CEP162: variants seen among roughly 807,000 people sequenced by gnomAD.
CEP162 encodes centrosomal protein of 162 kDa.
Under a neutral mutation model 169.2 loss-of-function variants are expected in CEP162, and 141 were observed. That is an observed-to-expected ratio of 0.83 (90% confidence interval 0.73 to 0.96). The LOEUF is 0.96. Among genes scored for constraint, CEP162 ranks in the 40% least tolerant of loss-of-function variants. CEP162 has a pLI of 0.00. For synonymous variants in CEP162, 540 were observed against 526.4 expected, an observed-to-expected ratio of 1.03 and a Z score of -0.35; for missense variants, 1,600 against 1,587.2, an observed-to-expected ratio of 1.01 and a Z score of -0.14.
chr6:84,185,089 T>TG (rs2099536524), intron 13 of CEP162, 98 bp downstream of exon 13: 1 of 1,141,668 alleles, frequency 8.8e-7, no homozygotes, highest in African/African-American at 1.6e-5. Flanking sequence ...TGTTGCCTCC[T>TG]GCAAATTGAA....
chr6:84,173,533 C>T (rs1295193705), intron 16 of CEP162, among the ~76,000 whole-genome samples: 4 of 152,084 alleles, frequency 2.6e-5, no homozygotes, highest in Non-Finnish European at 5.9e-5. Context: ...GGTGGTAGAG[C>T]TAAGACTCAA....
At chr6:84,215,744 A>G (rs1237922700) in intron 4 of CEP162, 32 bp downstream of exon 4, 5 of 1,551,268 alleles carry the variant, frequency 3.2e-6, no homozygotes, top group Non-Finnish European at 4.4e-6. Context: ...ACAATTAATA[A>G]TTTACCAACT....
intron 22 of CEP162, 70 bp from the exon 23 acceptor site, chr6:84,153,249 C>A (rs2099521827): frequency 2.9e-6 from 4 of 1,357,190 alleles, no homozygotes; most frequent in Non-Finnish European, 3.0e-6. Context: ...GCCCTGCACA[C>A]TACTGGGTCC....
chr6:84,180,393 G>A (rs990594885), intron 13 of CEP162, among the ~76,000 whole-genome samples: 1 of 152,086 alleles, frequency 6.6e-6, no homozygotes, highest in African/African-American at 2.4e-5. Flanking sequence ...ATATCATACT[G>A]AATGGGCAAA....
intron 9 of CEP162, among the ~76,000 whole-genome samples, chr6:84,195,749 T>A (rs1329043178): frequency 6.6e-6 from 1 of 152,208 alleles, no homozygotes; most frequent in African/African-American, 2.4e-5. Flanking sequence ...GGTCTATAGT[T>A]CATTTCAGGG....
At chr6:84,154,107 G>A (rs935644350) in intron 22 of CEP162, among the ~76,000 whole-genome samples, 1 of 152,084 alleles carries the variant, frequency 6.6e-6, no homozygotes, top group Non-Finnish European at 1.5e-5. Flanking sequence ...GAAATGAAAG[G>A]GGGAAGAGAC....
intron 2 of CEP162, among the ~76,000 whole-genome samples, chr6:84,221,408 C>T (rs1025646787): frequency 1.3e-5 from 2 of 152,058 alleles, no homozygotes; most frequent in Non-Finnish European, 2.9e-5. Context: ...AGGAGAATAA[C>T]AACAAAGACG....
At chr6:84,220,328 T>C (rs1411010273) in intron 3 of CEP162, among the ~76,000 whole-genome samples, 1 of 152,180 alleles carries the variant, frequency 6.6e-6, no homozygotes, top group African/African-American at 2.4e-5. Context: ...CAGTATCATG[T>C]ATAGTAAACC....
At chr6:84,190,377 C>G (rs913416936) in intron 11 of CEP162, among the ~76,000 whole-genome samples, 25 of 152,168 alleles carry the variant, frequency 1.6e-4, no homozygotes, top group Non-Finnish European at 5.9e-5. Context: ...AGAATAAAAG[C>G]AGGCTGCCCG....
chr6:84,168,372 T>C (rs2099528662), intron 18 of CEP162, among the ~76,000 whole-genome samples: 1 of 152,208 alleles, frequency 6.6e-6, no homozygotes, highest in Non-Finnish European at 1.5e-5. Context: ...CTGTATTTTA[T>C]ATACTACAAA....
chr6:84,202,250 A>G (rs894047813), intron 7 of CEP162, among the ~76,000 whole-genome samples: 3 of 152,168 alleles, frequency 2.0e-5, no homozygotes, highest in Non-Finnish European at 2.9e-5. Context: ...CCAAACAGCT[A>G]GACAGCTGAA....
intron 6 of CEP162, among the ~76,000 whole-genome samples, chr6:84,212,580 ATAAG>A (rs757503822): frequency 3.9e-4 from 60 of 151,916 alleles, no homozygotes; most frequent in Admixed American, 1.8e-3. Flanking sequence ...ATGGAATACT[ATAAG>A]TAATACAATA....
At chr6:84,223,065 T>C (rs1004525406) in intron 2 of CEP162, among the ~76,000 whole-genome samples, 1 of 152,254 alleles carries the variant, frequency 6.6e-6, no homozygotes, top group African/African-American at 2.4e-5. Context: ...ATGGTACTAC[T>C]GACCTTGTAG....
At chr6:84,169,845 C>T (rs1340761560) in intron 17 of CEP162, among the ~76,000 whole-genome samples, 3 of 152,158 alleles carry the variant, frequency 2.0e-5, no homozygotes, top group African/African-American at 7.2e-5. Context: ...AAACCAAACA[C>T]AGCCTAATAT....
In CEP162 at chr6:84,186,403, A is replaced by G. The variant is rs1452879828; in HGVS notation, c.1330T>C (p.Tyr444His). 6.4e-7 allele frequency: 1 copy of G among 1,566,388 alleles called. No homozygotes were observed. Among genetic ancestry groups the G allele is most frequent in the East Asian group, 2.2e-5 (1 of 44,588 alleles). Residue 444 changes from tyrosine (Y) to histidine (H), a missense_variant, in exon 12 of 27, where the codon TAC becomes CAC. Coordinates refer to ENST00000403245, the MANE Select transcript of CEP162 (RefSeq NM_014895.4). ...ATTTTTTTCCTCAAAATATTAAGGT[A>G]CATTTTATCAACATGTTCTTCTGTG... ...TATEEHVDKMYLNILRKKITV... is the reference protein window; with the variant it reads ...TATEEHVDKMHLNILRKKITV...
chr6:84,146,137 A>C (rs1384275586), intron 25 of CEP162, among the ~76,000 whole-genome samples: 1 of 152,074 alleles, frequency 6.6e-6, no homozygotes, highest in African/African-American at 2.4e-5. Flanking sequence ...TCCTTTGCCA[A>C]TCCCTGATCT....
Position 84,152,724 on chromosome 6 carries a change from G to A in CEP162, c.3450C>T (p.Phe1150=), listed in dbSNP as rs974242418. ...LHSSKGNANS[F]PGTLDSKLYQ... Reference sequence around the variant, plus strand: ...ACAGCTTGCTGTCCAGGGTTCCAGGGAAGGAGTTAGCATTTCCTTTACTTG... The same window carrying A: ...ACAGCTTGCTGTCCAGGGTTCCAGGAAAGGAGTTAGCATTTCCTTTACTTG... The change falls in exon 23 of 27, where the codon TTC becomes TTT. Residue 1150 remains phenylalanine, a synonymous_variant. Coordinates refer to ENST00000403245, the MANE Select transcript of CEP162 (RefSeq NM_014895.4). 8 of 1,613,188 alleles carry A rather than the reference G, an allele frequency of 5.0e-6. No homozygotes were observed. The African/African-American group carries it at 6.7e-5, about 13-fold the overall frequency.
chr6:84,200,206 C>A (rs1030733299), intron 9 of CEP162, among the ~76,000 whole-genome samples: 1 of 152,126 alleles, frequency 6.6e-6, no homozygotes, highest in Admixed American at 6.5e-5. Context: ...GCCAAGGTAG[C>A]GCCACTGCAC....
chr6:84,150,326 TA>T (rs1245965847), intron 23 of CEP162, among the ~76,000 whole-genome samples: 1 of 152,196 alleles, frequency 6.6e-6, no homozygotes, highest in Non-Finnish European at 1.5e-5. Flanking sequence ...AGATTTGGTA[TA>T]TTTCCTACAG....
Sources: allele counts gnomAD v4.1 joint callset (sites outside exome capture counted in the v4.1 genomes callset), GRCh38; gene constraint gnomAD v4.1.1; transcripts MANE v1.5; gene names NCBI Gene and HGNC (gene_info 2026-07-23, HGNC 2026-07-21).